The following DUXB variants were observed in gnomAD, a reference collection of about 807,000 sequenced individuals.
The protein encoded by DUXB is double homeobox protein B.
DUXB carries 22 observed loss-of-function variants against 8.9 expected under a neutral mutation model. The observed-to-expected ratio is 2.46, with a 90% confidence interval of 1.76 to 3.52. The LOEUF (loss-of-function observed/expected upper bound fraction) is 3.52, where lower values mean the gene tolerates loss of function less well. Among genes scored for constraint, DUXB ranks in the 30% most tolerant of loss-of-function variants. The pLI, the probability that DUXB is intolerant of heterozygous loss-of-function variation, is 0.00. For synonymous variants in DUXB, 84 were observed against 37.6 expected (o/e 2.23, Z -4.52); for missense variants, 237 against 108.7 (o/e 2.18, Z -5.25).
chr16:75,696,227 A>C (rs2082606069), intron 3 of DUXB, 112 bp from the exon 4 acceptor site: 2 of 637,148 alleles, frequency 3.1e-6, no homozygotes, highest in Admixed American at 4.9e-5. Flanking sequence ...GAGGTGGCAG[A>C]AGAGGTCATT....
chr16:75,696,744 C>G (rs2082610603), intron 3 of DUXB, 94 bp downstream of exon 3: 2 of 617,028 alleles, frequency 3.2e-6, no homozygotes, highest in Non-Finnish European at 5.8e-6. Flanking sequence ...CACCAGGATG[C>G]CAGAACCAGC....
At chr16:75,699,391 C>CA (rs1959198800) in intron 2 of DUXB, among the ~76,000 whole-genome samples, 1 of 152,132 alleles carries the variant, frequency 6.6e-6, no homozygotes. Context: ...ACATAATTAT[C>CA]ATGGTGATTT....
chr16:75,700,234 G>A, intron 1 of DUXB, 65 bp from the exon 2 acceptor site: 3 of 611,898 alleles, frequency 4.9e-6, no homozygotes, highest in Non-Finnish European at 8.8e-6. Context: ...TCTGTACTTT[G>A]ATTAAATTAA....
chr16:75,697,766 G>T (rs1217385549), intron 2 of DUXB, among the ~76,000 whole-genome samples: 3 of 152,332 alleles, frequency 2.0e-5, no homozygotes, highest in South Asian at 2.1e-4. Flanking sequence ...ACAGCAGGAG[G>T]TGAGTGGAGG....
chr16:75,693,906 C>G lies in DUXB; in HGVS notation c.*23G>C. 1 of 399,008 alleles carries G rather than the reference C, an allele frequency of 2.5e-6. No individual in the cohort carries two copies. Among genetic ancestry groups the G allele is most frequent in the Non-Finnish European group, 4.4e-6 (1 of 226,456 alleles). The allele number at this position is 399,008 out of a possible 1,614,324, so 24.7% of individuals were successfully genotyped here. ...ATGACATGTTTCTCAGCTGAGTGTG[C>G]CTACTGCTGCCACAAGTCTGTCTCA... On this transcript the variant is annotated 3_prime_UTR_variant, in exon 5 of 5. Transcript: ENST00000633875.
chr16:75,696,351 A>G (rs992130687), intron 3 of DUXB, among the ~76,000 whole-genome samples: 1 of 152,168 alleles, frequency 6.6e-6, no homozygotes, highest in African/African-American at 2.4e-5. Flanking sequence ...TGGGAGTTCG[A>G]GGCCAGCCTG....
intron 4 of DUXB, 154 bp downstream of exon 4, chr16:75,695,807 C>T (rs971353060): frequency 3.4e-6 from 2 of 593,838 alleles, no homozygotes; most frequent in Non-Finnish European, 6.0e-6. Context: ...TCTTCCTTGA[C>T]AAAAACGGGA....
chr16:75,696,963 G>A lies in DUXB; in HGVS notation c.181-20C>T. 1.4e-6 allele frequency: 1 copy of A among 700,480 alleles called. No homozygotes were observed. The highest frequency in any genetic ancestry group is 2.6e-6 in the Non-Finnish European group (1 of 384,060). 43.4% of individuals were successfully genotyped at this position (700,480 alleles called of 1,614,324 possible). A position where few individuals can be genotyped will look rare whatever the true frequency, so the allele number is the denominator to read the frequency against. On this transcript the variant is annotated intron_variant, in intron 2 of 4. Transcript: ENST00000633875. Reference sequence around the variant, plus strand: ...CCAAACCTAAGTAGGAGAAGAAGATGTGATAGTCATACAACTCAGTGTATG... The same window carrying A: ...CCAAACCTAAGTAGGAGAAGAAGATATGATAGTCATACAACTCAGTGTATG...
In DUXB at chr16:75,694,472, G is replaced by A. The variant is rs1267858872; in HGVS notation, c.495C>T (p.Pro165=). ...TTGGGTCGTCTACCAATAAATTCAT[G>A]GGCTCCATTCTGCTCTTCTTGAGGT... is the stretch of plus-strand genomic sequence containing the variant. ...SLYLKKSRME[P]MNLLVDDPNE... The change falls in exon 5 of 5, where the codon CCC becomes CCT. Residue 165 remains proline, a synonymous_variant. Coordinates refer to ENST00000633875, the MANE Select transcript of DUXB (RefSeq NM_001351307.2). The A allele has an allele frequency of 1.4e-6, 1 of 702,948 alleles. No individual in the cohort carries two copies. Among genetic ancestry groups the A allele is most frequent in the Non-Finnish European group, 2.6e-6 (1 of 384,980 alleles). 43.5% of individuals were successfully genotyped at this position (702,948 alleles called of 1,614,324 possible).
At position 75,694,311 on chromosome 16, in the gene DUXB, G is replaced by A. The variant is rs1464646569; in HGVS notation, c.656C>T (p.Ala219Val). Residue 219 changes from alanine (A) to valine (V), a missense_variant, in exon 5 of 5, where the codon GCT becomes GTT. Physicochemically the swap from Ala to Val is moderately conservative, Grantham distance 64 (BLOSUM62 0). Transcript: ENST00000633875. ...ATGGAACCTGAAGGGATCCCAAGGA[G>A]CCTGGGTTGAAGGAAGAACAGGTGG... ...TLPPVLPSTQAPWDPFRFHVS... is the reference protein window; with the variant it reads ...TLPPVLPSTQVPWDPFRFHVS... 1.6e-6 allele frequency: 1 copy of A among 618,882 alleles called. No individual in the cohort carries two copies. Among genetic ancestry groups the A allele is most frequent in the Non-Finnish European group, 2.9e-6 (1 of 349,842 alleles). 38.3% of individuals were successfully genotyped at this position (618,882 alleles called of 1,614,324 possible).
At chr16:75,701,059 G>T (rs1054559607) in intron 1 of DUXB, among the ~76,000 whole-genome samples, 1 of 152,108 alleles carries the variant, frequency 6.6e-6, no homozygotes, top group African/African-American at 2.4e-5. Context: ...ACAGGAACTG[G>T]TACTTCTAAT....
intron 2 of DUXB, 77 bp from the exon 3 acceptor site, chr16:75,697,020 A>G: frequency 1.5e-6 from 1 of 657,100 alleles, no homozygotes; most frequent in South Asian, 1.7e-5. Flanking sequence ...TCAATTGAAC[A>G]AAACTGATTT....
intron 1 of DUXB, 147 bp from the exon 2 acceptor site, chr16:75,700,316 C>T (rs1959203104): frequency 3.9e-6 from 2 of 507,744 alleles, no homozygotes; most frequent in South Asian, 2.8e-5. Context: ...GTCAATGCGA[C>T]CTCCGCTCCT....
chr16:75,700,573 A>C (rs565154958), intron 1 of DUXB, among the ~76,000 whole-genome samples: 2 of 152,110 alleles, frequency 1.3e-5, no homozygotes, highest in South Asian at 2.1e-4. Context: ...GCTGGAGTGC[A>C]GTGGTACCAT....
rs2097843040 is a variant in DUXB, at chr16:75,700,032, G to T, written c.163C>A (p.Pro55Thr). 1.4e-6 allele frequency: 1 copy of T among 699,624 alleles called. No homozygotes were observed. Among genetic ancestry groups the T allele is most frequent in the Non-Finnish European group, 2.6e-6 (1 of 384,118 alleles). The allele number at this position is 699,624 out of a possible 1,614,324, so 43.3% of individuals were successfully genotyped here. A position where few individuals can be genotyped will look rare whatever the true frequency, so the allele number is the denominator to read the frequency against. ...REQLAKEIGV[P>T]ESNIQVWFKN... ...ATGCCTACCTGAATATTAGATTCTGGAACCCCAATTTCTTTGGCCAGTTGT... is the reference window on the plus strand; with the variant it reads ...ATGCCTACCTGAATATTAGATTCTGTAACCCCAATTTCTTTGGCCAGTTGT... Residue 55 changes from proline to threonine, a missense_variant, in exon 2 of 5, where the codon CCA (proline) becomes ACA (threonine). Physicochemically the swap from Pro to Thr is conservative, Grantham distance 38 (BLOSUM62 -1). Coordinates refer to ENST00000633875, the MANE Select transcript of DUXB (RefSeq NM_001351307.2).
intron 2 of DUXB, among the ~76,000 whole-genome samples, chr16:75,697,633 T>C (rs2082619385): frequency 6.6e-6 from 1 of 152,226 alleles, no homozygotes; most frequent in East Asian, 1.9e-4. Flanking sequence ...CTTAAGAACA[T>C]TTAGCATCTT....
At chr16:75,696,814 A>G (rs1471316900) in intron 3 of DUXB, 24 bp downstream of exon 3, 14 of 700,010 alleles carry the variant, frequency 2.0e-5, no homozygotes, top group East Asian at 1.3e-4. Context: ...CGTACTCTCA[A>G]TGGGACCCAT....
chr16:75,700,001 A>C lies in DUXB; in HGVS notation c.180+14T>G. ...TGGTTCTGACAGGTAATGAAGTAGA[A>C]ATCTAATGCCTACCTGAATATTAGA... is the stretch of plus-strand genomic sequence containing the variant. On this transcript the variant is annotated intron_variant, in intron 2 of 4. Transcript: ENST00000633875. The C allele has an allele frequency of 1.4e-6, 1 of 690,298 alleles. No homozygotes were observed. Among genetic ancestry groups the C allele is most frequent in the Non-Finnish European group, 2.6e-6 (1 of 380,372 alleles). The allele number at this position is 690,298 out of a possible 1,614,324, so 42.8% of individuals were successfully genotyped here. A position where few individuals can be genotyped will look rare whatever the true frequency, so the allele number is the denominator to read the frequency against.
At chr16:75,697,015 T>A in intron 2 of DUXB, 72 bp from the exon 3 acceptor site, 1 of 661,716 alleles carries the variant, frequency 1.5e-6, no homozygotes, top group South Asian at 1.7e-5. Flanking sequence ...TCAATTCAAT[T>A]GAACAAAACT....
Sources: gnomAD v4.1 joint callset for allele counts (sites outside exome capture counted in the v4.1 genomes callset) on GRCh38, gnomAD v4.1.1 for gene constraint, MANE v1.5 for transcripts, NCBI Gene and HGNC (gene_info 2026-07-23, HGNC 2026-07-21) for gene names.